Variants in ADIPOR2 observed in about 807,000 individuals in gnomAD.
ADIPOR2 encodes adiponectin receptor protein 2.
Under a neutral mutation model 40.9 loss-of-function variants are expected in ADIPOR2, and 18 were observed. The observed-to-expected ratio is 0.44, with a 90% CI of 0.30 to 0.65. ADIPOR2 has a LOEUF of 0.65. Ranked by LOEUF, ADIPOR2 falls within the 30% of genes least tolerant of loss-of-function variation. The pLI is 0.09. For missense variants in ADIPOR2, 283 were observed against 479.2 expected (o/e 0.59, Z 3.82); for synonymous variants, 165 against 166.4 (o/e 0.99, Z 0.06).
chr12:1,758,062 C>T (rs1862181898), intron 2 of ADIPOR2: 19 of 614,346 alleles, frequency 3.1e-5, no homozygotes, highest in Middle Eastern at 4.4e-4. Context: ...CCAGAACTTG[C>T]CCACCCAATC....
At chr12:1,757,326 T>A in intron 2 of ADIPOR2, 1 of 683,592 alleles carries the variant, frequency 1.5e-6, no homozygotes, top group East Asian at 2.5e-5. Flanking sequence ...AGTCTGTGGT[T>A]TGTTGCCCTT....
chr12:1,758,127 A>G (rs963447200), intron 2 of ADIPOR2: 6 of 467,354 alleles, frequency 1.3e-5, no homozygotes, highest in Non-Finnish European at 2.3e-5. Context: ...AATACTATAT[A>G]TTTTTGTTTC....
At chr12:1,715,651 G>A (rs1307730421) in intron 1 of ADIPOR2, among the ~76,000 whole-genome samples, 2 of 152,158 alleles carry the variant, frequency 1.3e-5, no homozygotes, top group East Asian at 1.9e-4. Context: ...AGTGGGCATC[G>A]CCCAATTCCT....
chr12:1,707,734 A>T lies in ADIPOR2; in HGVS notation c.-87+16543A>T, dbSNP rs748493236. Reference sequence around the variant, plus strand: ...GTGATCTTCCCGCCTCAGTCTCCCAAAGTGCTGGGATTATAGGTGTCAGCC... The same window carrying T: ...GTGATCTTCCCGCCTCAGTCTCCCATAGTGCTGGGATTATAGGTGTCAGCC... On this transcript the variant is annotated intron_variant, in intron 1 of 7. Coordinates refer to ENST00000357103, the MANE Select transcript of ADIPOR2 (RefSeq NM_024551.3). 5.9e-5 allele frequency among the ~76,000 whole-genome samples: 9 copies of T among 152,180 alleles called. No individual in the cohort carries two copies. The South Asian group carries it at 1.5e-3, about 25-fold the overall frequency.
At chr12:1,721,863 A>G (rs1426403850) in intron 1 of ADIPOR2, among the ~76,000 whole-genome samples, 1 of 152,176 alleles carries the variant, frequency 6.6e-6, no homozygotes, top group Non-Finnish European at 1.5e-5. Context: ...TGGAGTATTT[A>G]AGGAGCAGAC....
At chr12:1,713,505 A>G (rs916653362) in intron 1 of ADIPOR2, among the ~76,000 whole-genome samples, 2 of 152,046 alleles carry the variant, frequency 1.3e-5, no homozygotes, top group Admixed American at 1.3e-4. Context: ...GGGATCTTTT[A>G]GCCTTATTTG....
intron 3 of ADIPOR2, among the ~76,000 whole-genome samples, 175 bp downstream of exon 3, chr12:1,773,136 G>C (rs552460718): frequency 1.3e-5 from 2 of 152,204 alleles, no homozygotes; most frequent in Non-Finnish European, 2.9e-5. Context: ...GAATACATTT[G>C]TTGGCTTGTA....
intron 1 of ADIPOR2, among the ~76,000 whole-genome samples, chr12:1,704,126 C>T (rs556725403): frequency 7.4e-6 from 1 of 135,472 alleles, no homozygotes; most frequent in African/African-American, 2.8e-5. Flanking sequence ...TATATGTATA[C>T]CCAATAACCA....
intron 1 of ADIPOR2, chr12:1,695,682 TGAC>T (rs1366528777): frequency 9.0e-6 from 1 of 110,870 alleles, no homozygotes; most frequent in African/African-American, 3.1e-5. Flanking sequence ...AAAAAAAAAA[TGAC>T]GAAACCCGTC....
chr12:1,771,495 G>A (rs1234050915), intron 2 of ADIPOR2, among the ~76,000 whole-genome samples: 2 of 152,182 alleles, frequency 1.3e-5, no homozygotes, highest in Non-Finnish European at 2.9e-5. Context: ...GAACTATGAA[G>A]GTTAGTCATT....
chr12:1,762,917 A>G (rs539938670), intron 2 of ADIPOR2, among the ~76,000 whole-genome samples: 4 of 152,276 alleles, frequency 2.6e-5, no homozygotes, highest in East Asian at 1.9e-4. Flanking sequence ...TTCAATGGTT[A>G]TTTGCCTTTA....
chr12:1,778,192 G>T, intron 4 of ADIPOR2, 167 bp downstream of exon 4: 3 of 726,198 alleles, frequency 4.1e-6, no homozygotes, highest in South Asian at 4.7e-5. Flanking sequence ...AGTTTATCCT[G>T]GTTTGCACTA....
intron 1 of ADIPOR2, among the ~76,000 whole-genome samples, chr12:1,717,891 A>G (rs1020536182): frequency 6.6e-6 from 1 of 152,212 alleles, no homozygotes; most frequent in Non-Finnish European, 1.5e-5. Context: ...TTCCTGGTAC[A>G]GAATAAACAT....
chr12:1,697,194 A>C (rs2094640959), intron 1 of ADIPOR2: 1 of 152,190 alleles, frequency 6.6e-6, no homozygotes, highest in East Asian at 1.9e-4. Flanking sequence ...GTTTTGGTAA[A>C]ACTTTGAGGA....
chr12:1,722,962 T>TA (rs2094700723), intron 1 of ADIPOR2, among the ~76,000 whole-genome samples: 1 of 152,224 alleles, frequency 6.6e-6, no homozygotes, highest in African/African-American at 2.4e-5. Context: ...CAATCTACCT[T>TA]AGAGTTTTTG....
chr12:1,726,832 A>G (rs1000840218), intron 1 of ADIPOR2, among the ~76,000 whole-genome samples: 10 of 152,166 alleles, frequency 6.6e-5, no homozygotes, highest in African/African-American at 2.4e-4. Context: ...CTCCATTTCC[A>G]AAAAGAAACT....
intron 1 of ADIPOR2, among the ~76,000 whole-genome samples, chr12:1,728,369 C>CA (rs2094712282): frequency 6.6e-6 from 1 of 151,808 alleles, no homozygotes. Context: ...CTCAGCCTTT[C>CA]AAAGTGCTGG....
intron 1 of ADIPOR2, among the ~76,000 whole-genome samples, chr12:1,748,279 C>T (rs575327898): frequency 6.6e-5 from 10 of 152,186 alleles, no homozygotes; most frequent in South Asian, 4.1e-4. Flanking sequence ...GACGGAGTCT[C>T]TCTCTGTCGC....
intron 2 of ADIPOR2, chr12:1,757,519 T>C (rs1419230477): frequency 1.3e-6 from 1 of 792,050 alleles, no homozygotes; most frequent in Non-Finnish European, 2.3e-6. Context: ...AAATTGGTAA[T>C]CTTGCCAATC....
Sources: gnomAD v4.1 joint callset for allele counts (sites outside exome capture counted in the v4.1 genomes callset) on GRCh38, gnomAD v4.1.1 for gene constraint, MANE v1.5 for transcripts, NCBI Gene and HGNC (gene_info 2026-07-23, HGNC 2026-07-21) for gene names.